OR10J1: variants seen among roughly 807,000 people sequenced by gnomAD.
The protein encoded by OR10J1 is olfactory receptor 10J1.
For synonymous variants in OR10J1, 202 were observed against 143.8 expected (o/e 1.40, Z -2.89); for missense variants, 474 against 376.6 (o/e 1.26, Z -2.14).
At chr1:159,409,164 A>C in the OR10J1 span, among the ~76,000 whole-genome samples, 1 of 152,046 alleles carries the variant, frequency 6.6e-6, no homozygotes, top group Non-Finnish European at 1.5e-5. Context: ...TAGACTTCAG[A>C]GTCTCTTCTT....
At chr1:159,414,141 T>C in the OR10J1 span, among the ~76,000 whole-genome samples, 4 of 152,110 alleles carry the variant, frequency 2.6e-5, no homozygotes, top group African/African-American at 9.7e-5. Context: ...TTACAATACG[T>C]TGTTACTAGC....
At chr1:159,398,869 T>C in the OR10J1 span, among the ~76,000 whole-genome samples, 1 of 152,090 alleles carries the variant, frequency 6.6e-6, no homozygotes, top group African/African-American at 2.4e-5. Context: ...GGTAGAATGT[T>C]TATTCAAAAG....
At chr1:159,404,641 T>C in the OR10J1 span, among the ~76,000 whole-genome samples, 3 of 152,146 alleles carry the variant, frequency 2.0e-5, no homozygotes, top group Admixed American at 1.3e-4. Context: ...GCCTGTACTA[T>C]CCAATGAAGA....
the OR10J1 span, among the ~76,000 whole-genome samples, chr1:159,410,862 T>G: frequency 4.8e-4 from 72 of 150,702 alleles, no homozygotes; most frequent in African/African-American, 1.7e-3. Flanking sequence ...CTCTACACAC[T>G]GCTTTGAATG....
chr1:159,403,309 C>T, the OR10J1 span, among the ~76,000 whole-genome samples: 8 of 152,142 alleles, frequency 5.3e-5, no homozygotes, highest in Non-Finnish European at 4.4e-5. Flanking sequence ...AGTATACATT[C>T]GACAAAGTGA....
At chr1:159,414,462 A>T in the OR10J1 span, among the ~76,000 whole-genome samples, 1 of 152,158 alleles carries the variant, frequency 6.6e-6, no homozygotes, top group Non-Finnish European at 1.5e-5. Flanking sequence ...TTGTGTTTAC[A>T]TACCACATTT....
At chr1:159,403,947 A>G in the OR10J1 span, among the ~76,000 whole-genome samples, 2 of 152,118 alleles carry the variant, frequency 1.3e-5, no homozygotes, top group Non-Finnish European at 2.9e-5. Flanking sequence ...AAAGAATGCA[A>G]TCCAGTCGTT....
chr1:159,403,423 A>C, the OR10J1 span, among the ~76,000 whole-genome samples: 18 of 152,270 alleles, frequency 1.2e-4, no homozygotes, highest in East Asian at 1.7e-3. Context: ...ATATGAAAAC[A>C]ATCTAATAAT....
At chr1:159,414,724 C>A in the OR10J1 span, among the ~76,000 whole-genome samples, 1 of 151,574 alleles carries the variant, frequency 6.6e-6, no homozygotes, top group Non-Finnish European at 1.5e-5. Context: ...TAAGAGTTCC[C>A]TTTTCTTGGC....
chr1:159,440,862 G>T lies in OR10J1; in HGVS notation c.*141G>T. ...AGGAATAGCAGTTTCATACAACTGG[G>T]AGTCTGAAGCTTTAAATAAAGTTAC... On this transcript the variant is annotated 3_prime_UTR_variant, in exon 1 of 1. Transcript: ENST00000423932. 1 of 846,690 alleles carries T rather than the reference G, an allele frequency of 1.2e-6. No individual in the cohort carries two copies. The highest frequency in any genetic ancestry group is 1.8e-6 in the Non-Finnish European group (1 of 561,016). The allele number at this position is 846,690 out of a possible 1,614,324, so 52.4% of individuals were successfully genotyped here. A position where few individuals can be genotyped will look rare whatever the true frequency, so the allele number is the denominator to read the frequency against.
chr1:159,429,843 G>T, the OR10J1 span, among the ~76,000 whole-genome samples: 1 of 152,102 alleles, frequency 6.6e-6, no homozygotes, highest in South Asian at 2.1e-4. Flanking sequence ...TAACTGAAAG[G>T]TCCTGGTAGG....
chr1:159,438,635 GTCA>G (rs1386114848), upstream of OR10J1, among the ~76,000 whole-genome samples: 1 of 152,132 alleles, frequency 6.6e-6, no homozygotes, highest in Non-Finnish European at 1.5e-5. Flanking sequence ...TTAACAGCTG[GTCA>G]TCAACTTCTT....
chr1:159,440,229 G>A lies in OR10J1; in HGVS notation c.438G>A (p.Leu146=), dbSNP rs756273767. ...AGAGGCTGCGTATCCAACTTGTCCT[G>A]GGGGCCTGCAGCATTGGGCTGATTG... ...MNKRLRIQLV[L]GACSIGLIVA... The change falls in exon 1 of 1, where the codon CTG becomes CTA. Residue 146 remains leucine (L), a synonymous_variant. Coordinates refer to ENST00000423932, the MANE Select transcript of OR10J1 (RefSeq NM_012351.3). 2.5e-6 allele frequency: 4 copies of A among 1,614,132 alleles called. No homozygotes were observed. The highest frequency in any genetic ancestry group is 2.5e-6 in the Non-Finnish European group (3 of 1,179,996).
the OR10J1 span, among the ~76,000 whole-genome samples, chr1:159,417,655 T>C: frequency 6.6e-6 from 1 of 152,158 alleles, no homozygotes; most frequent in Non-Finnish European, 1.5e-5. Context: ...TTATTAGCAG[T>C]GCAAGAAAAG....
At chr1:159,436,271 A>T (rs897936030), upstream of OR10J1, among the ~76,000 whole-genome samples, 6 of 152,080 alleles carry the variant, frequency 3.9e-5, no homozygotes, top group Non-Finnish European at 8.8e-5. Flanking sequence ...TCTTTGCTTC[A>T]TCTGTTACAA....
chr1:159,420,372 TC>T, the OR10J1 span, among the ~76,000 whole-genome samples: 1 of 152,166 alleles, frequency 6.6e-6, no homozygotes, highest in African/African-American at 2.4e-5. Context: ...TTAATTGATT[TC>T]TGGTTGTTTT....
the OR10J1 span, among the ~76,000 whole-genome samples, chr1:159,399,175 G>C: frequency 6.6e-6 from 1 of 151,942 alleles, no homozygotes; most frequent in African/African-American, 2.4e-5. Context: ...GTTAAGTCTA[G>C]AATAGTATAT....
the OR10J1 span, among the ~76,000 whole-genome samples, chr1:159,419,186 G>C: frequency 1.3e-5 from 2 of 152,258 alleles, no homozygotes; most frequent in South Asian, 4.1e-4. Flanking sequence ...CTGTTGGGAA[G>C]GCATGATTGG....
the OR10J1 span, among the ~76,000 whole-genome samples, chr1:159,413,724 G>C: frequency 6.6e-6 from 1 of 150,980 alleles, no homozygotes; most frequent in African/African-American, 2.4e-5. Context: ...AGCATTAGGA[G>C]ATATACCTAA....
Sources: allele counts gnomAD v4.1 joint callset (sites outside exome capture counted in the v4.1 genomes callset), GRCh38; gene constraint gnomAD v4.1.1; transcripts MANE v1.5; gene names NCBI Gene and HGNC (gene_info 2026-07-23, HGNC 2026-07-21).